The following HDAC4 variants were observed in gnomAD, a reference collection of about 807,000 sequenced individuals.
HDAC4 encodes histone deacetylase 4.
Under a neutral mutation model 135.1 loss-of-function variants are expected in HDAC4, and 16 were observed. The observed-to-expected ratio is 0.12, with a 90% CI of 0.08 to 0.18. The LOEUF is 0.18. Among genes scored for constraint, HDAC4 ranks in the 10% least tolerant of loss-of-function variants. The pLI is 1.00. For synonymous variants in HDAC4, 685 were observed against 653.4 expected (o/e 1.05, Z -0.74); for missense variants, 1,143 against 1,511.8 (o/e 0.76, Z 4.05).
At chr2:239,386,406 G>A (rs1266033292) in intron 1 of HDAC4, among the ~76,000 whole-genome samples, 2 of 152,184 alleles carry the variant, frequency 1.3e-5, no homozygotes, top group African/African-American at 4.8e-5. Flanking sequence ...AACCACGGGA[G>A]GAACCACATG....
intron 1 of HDAC4, among the ~76,000 whole-genome samples, chr2:239,399,816 G>A (rs1382260267): frequency 1.3e-5 from 2 of 152,216 alleles, no homozygotes; most frequent in Non-Finnish European, 2.9e-5. Context: ...AGGATTTAGT[G>A]AAGAAAGTCA....
chr2:239,074,427 G>C (rs1016792987), intron 22 of HDAC4, among the ~76,000 whole-genome samples: 1 of 152,174 alleles, frequency 6.6e-6, no homozygotes, highest in Non-Finnish European at 1.5e-5. Context: ...TGTGAAAATC[G>C]CCGTTAAATG....
rs2049433892 is a variant in HDAC4, at chr2:239,262,530, T to C, written c.23-25866A>G. 6.6e-6 allele frequency among the ~76,000 whole-genome samples: 1 copy of C among 152,204 alleles called. No individual in the cohort carries two copies. The highest frequency in any genetic ancestry group is 2.4e-5 in the African/African-American group (1 of 41,442). On this transcript the variant is annotated intron_variant, in intron 2 of 26. Coordinates refer to ENST00000543185, the MANE Select transcript of HDAC4 (RefSeq NM_001378414.1). This position sits in a 1 kb window ranked among gnomAD's most constrained non-coding sequence, Gnocchi z 4.1. ...CCAGGTCCGAGATGAGGTAATGCCATTAGCAGGCAAGACTGATCTCTACTC... is the reference window on the plus strand; with the variant it reads ...CCAGGTCCGAGATGAGGTAATGCCACTAGCAGGCAAGACTGATCTCTACTC...
At chr2:239,398,040 T>C (rs1696681585) in intron 1 of HDAC4, among the ~76,000 whole-genome samples, 1 of 151,434 alleles carries the variant, frequency 6.6e-6, no homozygotes, top group Admixed American at 6.6e-5. Flanking sequence ...CAAGCTTAGG[T>C]GGAGACTGGG....
At position 239,264,000 on chromosome 2, in the gene HDAC4, C is replaced by A. The variant is rs540937036; in HGVS notation, c.23-27336G>T. ...CTGAGAGCCAGTGGCTTACTCAGGG[C>A]ACACAGGACCTTTGGGGTGGGGGCC... On this transcript the variant is annotated intron_variant, in intron 2 of 26. Transcript: ENST00000543185. Among the ~76,000 whole-genome samples the A allele has an allele frequency of 5.8e-4, 89 of 152,160 alleles. No homozygotes were observed. In the South Asian group the frequency reaches 8.1e-3, roughly 14 times the overall value.
intron 2 of HDAC4, among the ~76,000 whole-genome samples, chr2:239,323,989 G>A (rs1163269042): frequency 6.6e-6 from 1 of 152,198 alleles, no homozygotes; most frequent in Non-Finnish European, 1.5e-5. Context: ...GCCACAGAAA[G>A]TGCATCTGAA....
intron 25 of HDAC4, among the ~76,000 whole-genome samples, chr2:239,054,519 G>A (rs1384287147): frequency 1.3e-5 from 2 of 152,180 alleles, no homozygotes; most frequent in Non-Finnish European, 2.9e-5. Flanking sequence ...CTTACAAATT[G>A]GGCTGATGGA....
chr2:239,228,093 C>T (rs2047344568), intron 3 of HDAC4, among the ~76,000 whole-genome samples: 1 of 152,220 alleles, frequency 6.6e-6, no homozygotes, highest in African/African-American at 2.4e-5. Flanking sequence ...AGCCACGAAC[C>T]TGGGGCCAGG....
intron 3 of HDAC4, among the ~76,000 whole-genome samples, chr2:239,231,550 C>G (rs2047558226): frequency 6.6e-6 from 1 of 152,264 alleles, no homozygotes; most frequent in Non-Finnish European, 1.5e-5. Context: ...GTCTGTTTAA[C>G]AGTAAGTCCT....
chr2:239,260,541 T>C (rs1041424423), intron 2 of HDAC4, among the ~76,000 whole-genome samples: 1 of 152,192 alleles, frequency 6.6e-6, no homozygotes, highest in Non-Finnish European at 1.5e-5. Flanking sequence ...CTCATCTCTC[T>C]TCCCGCCAGC....
At chr2:239,393,541 C>T (rs1238409016) in intron 1 of HDAC4, among the ~76,000 whole-genome samples, 1 of 152,162 alleles carries the variant, frequency 6.6e-6, no homozygotes, top group African/African-American at 2.4e-5. Context: ...GGCCACAATG[C>T]CCTTTTCACA....
intron 12 of HDAC4, among the ~76,000 whole-genome samples, chr2:239,117,421 G>A (rs1000552017): frequency 2.6e-5 from 4 of 152,154 alleles, no homozygotes; most frequent in African/African-American, 9.7e-5. Context: ...CATATGGAGA[G>A]GCAAGAGAGG....
chr2:239,400,816 A>G lies in HDAC4; in HGVS notation c.-220+162T>C, dbSNP rs1242598466. On this transcript the variant is annotated intron_variant, in intron 1 of 26. Coordinates refer to ENST00000543185, the MANE Select transcript of HDAC4 (RefSeq NM_001378414.1). This position sits in a 1 kb window ranked among gnomAD's most constrained non-coding sequence, Gnocchi z 4.7. ...GGGCGGCGACAGCCGGGACGCGGCC[A>G]CGGCGCCGCCGGGGGCCCAGGCTGG... The G allele has an allele frequency of 7.0e-6, 1 of 142,394 alleles. No homozygotes were observed. Among genetic ancestry groups the G allele is most frequent in the Non-Finnish European group, 1.5e-5 (1 of 64,530 alleles). The allele number at this position is 142,394 out of a possible 1,614,324, so 8.8% of individuals were successfully genotyped here.
At chr2:239,213,037 C>T (rs1162982271) in intron 3 of HDAC4, among the ~76,000 whole-genome samples, 1 of 152,174 alleles carries the variant, frequency 6.6e-6, no homozygotes, top group East Asian at 1.9e-4. Flanking sequence ...ACTGTCTGCC[C>T]CTCCCTGCAA....
In HDAC4 at chr2:239,267,395, C is replaced by T. The variant is rs967884152; in HGVS notation, c.23-30731G>A. Among the ~76,000 whole-genome samples, 9 of 152,238 alleles carry T rather than the reference C, an allele frequency of 5.9e-5. No homozygotes were observed. The South Asian group carries it at 1.2e-3, about 21-fold the overall frequency. Reference sequence around the variant, plus strand: ...AGCACCAGTGGCCAACAGTTCCCAGCGGAGCACCAGGGCCCATGGCACCAC... The same window carrying T: ...AGCACCAGTGGCCAACAGTTCCCAGTGGAGCACCAGGGCCCATGGCACCAC... On this transcript the variant is annotated intron_variant, in intron 2 of 26. Coordinates refer to ENST00000543185, the MANE Select transcript of HDAC4 (RefSeq NM_001378414.1).
intron 2 of HDAC4, among the ~76,000 whole-genome samples, chr2:239,296,385 C>T (rs959203193): frequency 6.6e-6 from 1 of 152,238 alleles, no homozygotes; most frequent in African/African-American, 2.4e-5. Flanking sequence ...AGTCCTGCAG[C>T]GCCCTGGCCC....
chr2:239,286,762 T>C (rs1238167477), intron 2 of HDAC4, among the ~76,000 whole-genome samples: 1 of 152,076 alleles, frequency 6.6e-6, no homozygotes. Context: ...GCGGCTGCTA[T>C]GCTGAGGTAG....
rs138581294 is a variant in HDAC4, at chr2:239,381,953, G to A, written c.-220+19025C>T. ...GTCACACACACACACTCCATCAGCT[G>A]AGACTGCTCACTGGGCTTTGGAAGC... On this transcript the variant is annotated intron_variant, in intron 1 of 26. Transcript: ENST00000543185. Among the ~76,000 whole-genome samples the A allele has an allele frequency of 4.6e-5, 7 of 152,350 alleles. No individual in the cohort carries two copies. The East Asian group carries it at 1.2e-3, about 25-fold the overall frequency.
chr2:239,184,909 A>G (rs28490436), intron 4 of HDAC4, among the ~76,000 whole-genome samples: 31 of 31,822 alleles, frequency 9.7e-4, no homozygotes, highest in South Asian at 2.8e-3. Flanking sequence ...TGTCCTGGAG[A>G]CTGTGTCCTA....
Sources: allele counts gnomAD v4.1 joint callset (sites outside exome capture counted in the v4.1 genomes callset), GRCh38; gene constraint gnomAD v4.1.1; non-coding constraint Gnocchi (gnomAD v3.1); transcripts MANE v1.5; gene names NCBI Gene and HGNC (gene_info 2026-07-23, HGNC 2026-07-21).